SYCP1: variants seen among roughly 807,000 people sequenced by gnomAD.
The protein encoded by SYCP1 is cancer/testis antigen 8.
In SYCP1, 64 loss-of-function variants were observed where a neutral mutation model predicts 153.1. That is an observed-to-expected ratio of 0.42 (90% CI 0.34 to 0.51). The LOEUF (loss-of-function observed/expected upper bound fraction) is 0.51, where lower values mean the gene tolerates loss of function less well. Ranked by LOEUF, SYCP1 falls within the 20% of genes least tolerant of loss-of-function variation. The pLI is 0.06. For missense variants in SYCP1, 997 were observed against 1,049.0 expected (o/e 0.95, Z 0.68); for synonymous variants, 384 against 341.8 (o/e 1.12, Z -1.36).
Position 114,923,423 on chromosome 1 carries a change from A to C in SYCP1, c.1719-26A>C, listed in dbSNP as rs143643609. On this transcript the variant is annotated intron_variant, in intron 20 of 31. Coordinates refer to ENST00000369522, the MANE Select transcript of SYCP1 (RefSeq NM_003176.4). ...CTATAGGCCTAATAATTTTTAGTATAATGTCACTCTTCCATTTTCTTTTAG... is the reference window on the plus strand; with the variant it reads ...CTATAGGCCTAATAATTTTTAGTATCATGTCACTCTTCCATTTTCTTTTAG... The C allele has an allele frequency of 2.3e-5, 36 of 1,541,808 alleles. No individual in the cohort carries two copies. The African/African-American group carries it at 4.2e-4, about 18-fold the overall frequency.
rs192538795 is a variant in SYCP1 at position 114,933,662 on chromosome 1, A to G, written c.1926+7099A>G. On this transcript the variant is annotated intron_variant, in intron 23 of 31. Coordinates refer to ENST00000369522, the MANE Select transcript of SYCP1 (RefSeq NM_003176.4). The stretch of plus-strand genomic sequence containing the variant: ...AAGAAGCTAAAAACCTTGAGAAAAG[A>G]TTAGACAGACGGCTAACTAGAATAA... Among the ~76,000 whole-genome samples, 324 of 152,308 alleles carry G rather than the reference A, an allele frequency of 2.1e-3. 2 individuals carry two copies. Among genetic ancestry groups the G allele is most frequent in the Middle Eastern group, 3.4e-3 (1 of 294 alleles).
Position 114,874,535 on chromosome 1 carries a change from G to A in SYCP1, c.628G>A (p.Val210Ile). ...YEYEREETRQ[V>I]YMDLNNNIEK... ...ATATGAACGGGAAGAAACCAGGCAA[G>A]TTTATATGGATCTAAATAATAACAT... Residue 210 changes from valine to isoleucine, a missense_variant, in exon 9 of 32, where the codon GTT becomes ATT. Val to Ile is a conservative substitution (Grantham distance 29). Coordinates refer to ENST00000369522, the MANE Select transcript of SYCP1 (RefSeq NM_003176.4). 6.3e-7 allele frequency: 1 copy of A among 1,576,498 alleles called. No homozygotes were observed. Among genetic ancestry groups the A allele is most frequent in the South Asian group, 1.2e-5 (1 of 84,504 alleles).
intron 27 of SYCP1, among the ~76,000 whole-genome samples, chr1:114,954,952 C>T (rs904088308): frequency 1.2e-4 from 18 of 152,176 alleles, no homozygotes; most frequent in Admixed American, 7.2e-4. Flanking sequence ...TGATAAGTGG[C>T]GAGAGCATAC....
intron 28 of SYCP1, among the ~76,000 whole-genome samples, chr1:114,980,016 T>C (rs976176162): frequency 6.6e-6 from 1 of 151,780 alleles, no homozygotes; most frequent in African/African-American, 2.4e-5. Flanking sequence ...TGTGTGTGTG[T>C]GCTCTAGAGA....
At chr1:114,860,548 T>A (rs1331751471) in intron 7 of SYCP1, among the ~76,000 whole-genome samples, 188 bp from the exon 8 acceptor site, 2 of 152,150 alleles carry the variant, frequency 1.3e-5, no homozygotes, top group East Asian at 3.8e-4. Context: ...TACTAAATCA[T>A]CTTTGCTAGT....
At chr1:114,882,773 T>C (rs1164180478) in intron 12 of SYCP1, among the ~76,000 whole-genome samples, 2 of 152,138 alleles carry the variant, frequency 1.3e-5, no homozygotes, top group African/African-American at 4.8e-5. Flanking sequence ...ACATGATATT[T>C]CTATCCATTT....
chr1:114,928,743 A>T (rs1363101519), intron 23 of SYCP1, among the ~76,000 whole-genome samples: 2 of 152,232 alleles, frequency 1.3e-5, no homozygotes, highest in African/African-American at 2.4e-5. Flanking sequence ...TTTACATTAC[A>T]TGTGAAATAG....
intron 27 of SYCP1, among the ~76,000 whole-genome samples, chr1:114,954,336 T>C (rs1671295691): frequency 6.6e-6 from 1 of 152,056 alleles, no homozygotes. Context: ...ATCATTAGTG[T>C]ACAGAAACAT....
chr1:114,982,494 T>C (rs1180160673), intron 29 of SYCP1, among the ~76,000 whole-genome samples: 1 of 151,844 alleles, frequency 6.6e-6, no homozygotes, highest in Non-Finnish European at 1.5e-5. Flanking sequence ...AAATCTGCTA[T>C]TGAGCCCTTC....
upstream of SYCP1, among the ~76,000 whole-genome samples, chr1:114,854,427 C>T (rs868330343): frequency 6.6e-6 from 1 of 152,176 alleles, no homozygotes; most frequent in Non-Finnish European, 1.5e-5. Flanking sequence ...CGTGAGCCAC[C>T]GGCCCGCCTA....
chr1:114,857,374 T>C (rs1664071291), intron 4 of SYCP1, 70 bp from the exon 5 acceptor site: 1 of 1,520,552 alleles, frequency 6.6e-7, no homozygotes, highest in Non-Finnish European at 8.9e-7. Context: ...ACTAGTCTTC[T>C]GTATTTAATT....
At chr1:114,871,160 ATCTTTTTTTTT>A (rs1652577399) in intron 8 of SYCP1, among the ~76,000 whole-genome samples, 4 of 146,690 alleles carry the variant, frequency 2.7e-5, no homozygotes, top group Admixed American at 2.0e-4. Context: ...CTTTCCTCCC[ATCTTTTTTTTT>A]TCTTTTTTTT....
chr1:114,863,564 T>C (rs1664521474), intron 8 of SYCP1, among the ~76,000 whole-genome samples: 1 of 151,670 alleles, frequency 6.6e-6, no homozygotes, highest in Non-Finnish European at 1.5e-5. Flanking sequence ...AAAAAAAAAG[T>C]TCCTATTTCT....
At chr1:114,951,888 A>G (rs1671132611) in intron 27 of SYCP1, among the ~76,000 whole-genome samples, 1 of 151,860 alleles carries the variant, frequency 6.6e-6, no homozygotes, top group Non-Finnish European at 1.5e-5. Context: ...ATGGATTCAT[A>G]CACTATGTAA....
chr1:114,863,110 T>A (rs1330864644), intron 8 of SYCP1: 1 of 152,228 alleles, frequency 6.6e-6, no homozygotes, highest in Non-Finnish European at 1.5e-5. Flanking sequence ...TGTGCATGTG[T>A]CTTTATAGTA....
intron 8 of SYCP1, among the ~76,000 whole-genome samples, chr1:114,861,721 A>C (rs1437577756): frequency 7.2e-5 from 11 of 152,084 alleles, no homozygotes; most frequent in Admixed American, 7.2e-4. Context: ...AGAACAATGC[A>C]AAGTGCTCAA....
At chr1:114,923,210 A>C (rs1570778587) in intron 20 of SYCP1, among the ~76,000 whole-genome samples, 1 of 152,176 alleles carries the variant, frequency 6.6e-6, no homozygotes, top group South Asian at 2.1e-4. Context: ...TTCCATGTTC[A>C]TTATTTTCTA....
chr1:114,960,750 G>A (rs1335150241), intron 27 of SYCP1, among the ~76,000 whole-genome samples: 1 of 152,130 alleles, frequency 6.6e-6, no homozygotes, highest in African/African-American at 2.4e-5. Flanking sequence ...GTTAGACTCG[G>A]TTAGCTAGTA....
At position 114,911,470 on chromosome 1, in the gene SYCP1, A is replaced by G; in HGVS notation, c.1426-9A>G. ...ACACTTGCCATAGTTATATATGTTT[A>G]TTTTGCAGAAAGAAGTACATGATTT... On this transcript the variant is annotated splice_polypyrimidine_tract_variant and intron_variant, in intron 17 of 31. Transcript: ENST00000369522. The G allele has an allele frequency of 6.5e-7, 1 of 1,535,768 alleles. No homozygotes were observed. The highest frequency in any genetic ancestry group is 1.3e-5 in the South Asian group (1 of 76,738).
Sources: gnomAD v4.1 joint callset for allele counts (sites outside exome capture counted in the v4.1 genomes callset) on GRCh38, gnomAD v4.1.1 for gene constraint, MANE v1.5 for transcripts, NCBI Gene and HGNC (gene_info 2026-07-23, HGNC 2026-07-21) for gene names.